The following TRRAP variants were observed in gnomAD, a reference collection of about 807,000 sequenced individuals.
The protein encoded by TRRAP is transformation/transcription domain-associated protein.
A neutral mutation model predicts 438.8 loss-of-function variants in TRRAP; 41 were observed. The observed-to-expected ratio is 0.09, with a 90% CI of 0.07 to 0.12. TRRAP has a LOEUF of 0.12. Ranked by LOEUF, TRRAP falls within the 10% of genes least tolerant of loss-of-function variation. TRRAP has a pLI of 1.00. For missense variants in TRRAP, 3,122 were observed against 5,055.1 expected (o/e 0.62, Z 11.60); for synonymous variants, 1,994 against 1,962.9 (o/e 1.02, Z -0.42).
At chr7:98,889,341 G>A (rs1289049307) in intron 3 of TRRAP, among the ~76,000 whole-genome samples, 2 of 151,986 alleles carry the variant, frequency 1.3e-5, no homozygotes, top group Non-Finnish European at 2.9e-5. Flanking sequence ...CAACACTTCC[G>A]AGCATTTCCT....
intron 35 of TRRAP, 145 bp from the exon 36 acceptor site, chr7:98,949,272 A>G: frequency 1.0e-6 from 1 of 960,330 alleles, no homozygotes; most frequent in Non-Finnish European, 1.4e-6. Context: ...TTTAAAAAGC[A>G]TGCGTGTGGT....
chr7:98,897,590 C>T, intron 7 of TRRAP, 151 bp from the exon 8 acceptor site: 1 of 1,003,980 alleles, frequency 1.0e-6, no homozygotes, highest in South Asian at 1.7e-5. Context: ...AGCCTAAATA[C>T]TGTGGAGTTG....
chr7:98,993,236 C>G (rs1022018454), intron 65 of TRRAP, among the ~76,000 whole-genome samples: 5 of 152,264 alleles, frequency 3.3e-5, no homozygotes, highest in Non-Finnish European at 7.3e-5. Flanking sequence ...TGCGCCCTCA[C>G]CTGGACTCAC....
In TRRAP at chr7:98,948,392, T is replaced by C. The variant is rs1554417373; in HGVS notation, c.4668+52T>C. On this transcript the variant is annotated intron_variant, in intron 34 of 72. Transcript: ENST00000456197. The surrounding 1 kb of genome is among the most constrained non-coding windows in gnomAD (Gnocchi z 4.9). ...TCGCTCTGCCACCCTCCGGTGCTTA[T>C]AGCGTCCTCACTTGATCGTATTTTC... is the stretch of plus-strand genomic sequence containing the variant. 2 of 1,613,126 alleles carry C rather than the reference T, an allele frequency of 1.2e-6. No individual in the cohort carries two copies. The highest frequency in any genetic ancestry group is 1.7e-5 in the Admixed American group (1 of 60,016).
intron 67 of TRRAP, among the ~76,000 whole-genome samples, chr7:98,996,454 C>G (rs1361234574): frequency 6.6e-6 from 1 of 152,254 alleles, no homozygotes; most frequent in African/African-American, 2.4e-5. Flanking sequence ...CTTCATCTCT[C>G]AAGTGTCAGC....
chr7:98,947,487 A>T (rs1457536236), intron 33 of TRRAP, among the ~76,000 whole-genome samples: 1 of 147,926 alleles, frequency 6.8e-6, no homozygotes, highest in Non-Finnish European at 1.5e-5. Flanking sequence ...ACCGGGTCTC[A>T]TTCTGTTGCC....
intron 7 of TRRAP, among the ~76,000 whole-genome samples, chr7:98,896,942 TC>T (rs34079172): frequency 0.15 from 22,582 of 151,966 alleles, 5,281 homozygotes; most frequent in African/African-American, 0.5. Context: ...TTTAAAAATG[TC>T]CTGTGTTTTG....
intron 56 of TRRAP, among the ~76,000 whole-genome samples, chr7:98,977,392 C>T (rs1024400673): frequency 3.3e-5 from 5 of 152,168 alleles, no homozygotes; most frequent in African/African-American, 1.2e-4. Flanking sequence ...GAACTCCTGA[C>T]CTAAGATCCG....
intron 67 of TRRAP, chr7:98,999,109 G>A: frequency 6.7e-7 from 1 of 1,498,146 alleles, no homozygotes; most frequent in East Asian, 2.3e-5. Flanking sequence ...CTGGCCAGGA[G>A]TGGCCACCGA....
chr7:98,940,117 C>T (rs1242451736), intron 30 of TRRAP, among the ~76,000 whole-genome samples: 1 of 152,040 alleles, frequency 6.6e-6, no homozygotes, highest in Admixed American at 6.6e-5. Context: ...CTCCTGACCT[C>T]AAGTGATCCA....
intron 26 of TRRAP, 130 bp downstream of exon 26, chr7:98,931,795 C>A: frequency 1.6e-6 from 2 of 1,280,110 alleles, no homozygotes; most frequent in South Asian, 1.5e-5. Flanking sequence ...GGTTCCAGGA[C>A]CCTGCGTGGG....
Position 98,894,829 on chromosome 7 carries a change from G to A in TRRAP, c.451-935G>A, listed in dbSNP as rs1023486793. On this transcript the variant is annotated intron_variant, in intron 6 of 72. Transcript: ENST00000456197. ...TTTTTGTATTTTTAGTAGAGATGGGGTTTCACCATGTTGCCAAGCTGGTCT... is the reference window on the plus strand; with the variant it reads ...TTTTTGTATTTTTAGTAGAGATGGGATTTCACCATGTTGCCAAGCTGGTCT... Among the ~76,000 whole-genome samples, 6 of 118,256 alleles carry A rather than the reference G, an allele frequency of 5.1e-5. No homozygotes were observed. The East Asian group carries it at 1.5e-3, about 30-fold the overall frequency. The allele number at this position is 118,256 out of a possible 152,430, so 77.6% of individuals were successfully genotyped here.
rs534501364 is a variant in TRRAP at position 98,946,056 on chromosome 7, C to G, written c.4548+106C>G. On this transcript the variant is annotated intron_variant, in intron 33 of 72. Transcript: ENST00000456197. The stretch of plus-strand genomic sequence containing the variant: ...TGTACTGGACAGAGTGCGTTGTGCC[C>G]TTGAGTGCAGTGACCTGTATTGTCT... 1.1e-5 allele frequency: 13 copies of G among 1,205,452 alleles called. No homozygotes were observed. In the East Asian group the frequency reaches 1.9e-4, roughly 18 times the overall value. 74.7% of individuals were successfully genotyped at this position (1,205,452 alleles called of 1,614,324 possible).
chr7:99,004,118 G>A (rs1794060952), intron 67 of TRRAP, 72 bp from the exon 68 acceptor site: 8 of 1,372,480 alleles, frequency 5.8e-6, no homozygotes, highest in South Asian at 1.4e-5. Context: ...GTAGGGGCTT[G>A]AGCGTTTTTT....
At chr7:98,954,861 A>G (rs1358064871) in intron 40 of TRRAP, among the ~76,000 whole-genome samples, 1 of 152,230 alleles carries the variant, frequency 6.6e-6, no homozygotes, top group Non-Finnish European at 1.5e-5. Context: ...ACCTGTCTGC[A>G]TGTCCTGGCC....
intron 50 of TRRAP, 23 bp from the exon 51 acceptor site, chr7:98,967,462 C>A: frequency 6.2e-7 from 1 of 1,612,412 alleles, no homozygotes; most frequent in South Asian, 1.1e-5. Context: ...ATCGTCTTGC[C>A]TGTCTCTGAC....
chr7:98,960,759 T>TTGTGTG lies in TRRAP; in HGVS notation c.6490-476_6490-471dup, dbSNP rs35384186. 8.4e-3 allele frequency among the ~76,000 whole-genome samples: 1,212 copies of TTGTGTG among 144,916 alleles called. 20 individuals carry two copies. Among genetic ancestry groups the TTGTGTG allele is most frequent in the African/African-American group, 0.028 (1,107 of 39,392 alleles). On this transcript the variant is annotated intron_variant, in intron 45 of 72. Transcript: ENST00000456197. The stretch of plus-strand genomic sequence containing the variant: ...GGCGTATGCCACCATGCCTGGCTTT[T>TTGTGTG]TGTGTGTGTGTGTGTGTGTGTGTGT...
At chr7:98,945,534 T>TA (rs1437903174) in intron 31 of TRRAP, among the ~76,000 whole-genome samples, 1 of 152,246 alleles carries the variant, frequency 6.6e-6, no homozygotes, top group East Asian at 1.9e-4. Context: ...ATTCCACTGT[T>TA]AGACACTCTC....
chr7:98,965,326 C>A (rs973203913), intron 48 of TRRAP, among the ~76,000 whole-genome samples: 11 of 152,204 alleles, frequency 7.2e-5, no homozygotes, highest in Non-Finnish European at 2.9e-5. Flanking sequence ...CAGAGCTGAG[C>A]AGTGGGCTCC....
Sources: allele counts gnomAD v4.1 joint callset (sites outside exome capture counted in the v4.1 genomes callset), GRCh38; gene constraint gnomAD v4.1.1; non-coding constraint Gnocchi (gnomAD v3.1); transcripts MANE v1.5; gene names NCBI Gene and HGNC (gene_info 2026-07-23, HGNC 2026-07-21).